TTC39A: variants seen among roughly 807,000 people sequenced by gnomAD.
TTC39A encodes the protein tetratricopeptide repeat domain 39A.
In TTC39A, 46 loss-of-function variants were observed where a neutral mutation model predicts 82.3. That is an observed-to-expected ratio of 0.56 (90% CI 0.44 to 0.71). The LOEUF (loss-of-function observed/expected upper bound fraction) is 0.71. Among genes scored for constraint, TTC39A ranks in the 30% least tolerant of loss-of-function variants. TTC39A has a pLI of 0.00. For synonymous variants in TTC39A, 254 were observed against 275.2 expected (o/e 0.92, Z 0.76); for missense variants, 543 against 712.9 (o/e 0.76, Z 2.71).
chr1:51,323,841 T>C (rs1295668129), intron 1 of TTC39A, among the ~76,000 whole-genome samples: 1 of 152,216 alleles, frequency 6.6e-6, no homozygotes, highest in Non-Finnish European at 1.5e-5. Flanking sequence ...TATCTCATAA[T>C]TCTAGCATTT....
intron 1 of TTC39A, among the ~76,000 whole-genome samples, chr1:51,342,019 C>T (rs1190337198): frequency 6.6e-6 from 1 of 152,346 alleles, no homozygotes; most frequent in East Asian, 1.9e-4. Context: ...AGGCCCCTCC[C>T]TCCCACAGCA....
At chr1:51,343,096 C>T (rs1646057187) in intron 1 of TTC39A, 1 of 455,926 alleles carries the variant, frequency 2.2e-6, no homozygotes, top group African/African-American at 2.0e-5. Context: ...GCAAGAAAGC[C>T]ATGTGGCCAA....
chr1:51,305,790 G>A (rs1240557390), intron 7 of TTC39A, among the ~76,000 whole-genome samples, 187 bp downstream of exon 7: 3 of 152,062 alleles, frequency 2.0e-5, no homozygotes, highest in South Asian at 2.1e-4. Flanking sequence ...TGGCTCCAGC[G>A]CCCACACCAC....
intron 1 of TTC39A, chr1:51,344,865 G>T: frequency 1.6e-6 from 2 of 1,217,654 alleles, no homozygotes; most frequent in Non-Finnish European, 2.2e-6. Flanking sequence ...CGACCCCCAC[G>T]CCCAGCAGCC....
intron 1 of TTC39A, among the ~76,000 whole-genome samples, chr1:51,324,567 G>C (rs569279224): frequency 6.6e-6 from 1 of 152,130 alleles, no homozygotes; most frequent in African/African-American, 2.4e-5. Context: ...TGTTGCCCGG[G>C]CTGGAGACCA....
chr1:51,337,206 T>G (rs1184414602), intron 1 of TTC39A, among the ~76,000 whole-genome samples: 1 of 152,034 alleles, frequency 6.6e-6, no homozygotes, highest in African/African-American at 2.4e-5. Flanking sequence ...TCCCATCATC[T>G]CCCGACATCA....
intron 15 of TTC39A, 96 bp from the exon 16 acceptor site, chr1:51,290,215 A>T: frequency 9.0e-7 from 1 of 1,107,074 alleles, no homozygotes; most frequent in Admixed American, 2.3e-5. Context: ...AAAGGGACAC[A>T]GGTAAATCAG....
intron 1 of TTC39A, among the ~76,000 whole-genome samples, chr1:51,327,717 G>A: frequency 1.4e-5 from 1 of 73,388 alleles, no homozygotes; most frequent in African/African-American, 5.8e-5. Flanking sequence ...TTTTTTTTTT[G>A]AGAGAGGCTC....
rs1487959989 is a variant in TTC39A at position 51,321,163 on chromosome 1, C to T, written c.146+558G>A. On this transcript the variant is annotated intron_variant, in intron 2 of 17. Transcript: ENST00000680483. The surrounding 1 kb of genome is among the most constrained non-coding windows in gnomAD (Gnocchi z 4.6). ...TGCTGGGATTACAAGCGTGAGCCAC[C>T]ACGCCCAGCCCAATAAATGTTTTAA... Among the ~76,000 whole-genome samples the T allele has an allele frequency of 6.6e-6, 1 of 152,226 alleles. No individual in the cohort carries two copies. Among genetic ancestry groups the T allele is most frequent in the African/African-American group, 2.4e-5 (1 of 41,464 alleles).
intron 2 of TTC39A, among the ~76,000 whole-genome samples, chr1:51,316,212 G>A (rs980038049): frequency 2.0e-5 from 3 of 152,200 alleles, no homozygotes; most frequent in African/African-American, 7.2e-5. Context: ...AAAGGCTGTT[G>A]CTGAATGAAC....
chr1:51,310,009 A>T (rs1050185459), intron 5 of TTC39A, among the ~76,000 whole-genome samples: 9 of 149,390 alleles, frequency 6.0e-5, no homozygotes, highest in African/African-American at 9.8e-5. Context: ...AAAGCTATTT[A>T]AAAAAAAAAT....
intron 12 of TTC39A, chr1:51,299,724 C>T: frequency 6.6e-6 from 1 of 152,396 alleles, no homozygotes; most frequent in Non-Finnish European, 1.5e-5. Context: ...CAGCTGTGTG[C>T]CCCCACCAGG....
At chr1:51,289,908 T>G (rs1644137512) in intron 16 of TTC39A, 97 bp downstream of exon 16, 1 of 991,434 alleles carries the variant, frequency 1.0e-6, no homozygotes, top group Admixed American at 2.7e-5. Flanking sequence ...GGGGGTTGGC[T>G]AGGGTCAGCC....
At chr1:51,302,149 G>T in intron 11 of TTC39A, 1 of 743,394 alleles carries the variant, frequency 1.3e-6, no homozygotes, top group Non-Finnish European at 2.4e-6. Context: ...AAAATCCCAG[G>T]CACCACAAAT....
At chr1:51,306,853 A>ACACCC (rs1644885320) in intron 6 of TTC39A, among the ~76,000 whole-genome samples, 1 of 60,184 alleles carries the variant, frequency 1.7e-5, no homozygotes, top group Non-Finnish European at 3.0e-5. Context: ...TAAGGGACAG[A>ACACCC]CCCCCCCCCC....
At chr1:51,312,712 A>G in intron 3 of TTC39A, 100 bp downstream of exon 3, 1 of 1,507,350 alleles carries the variant, frequency 6.6e-7, no homozygotes, top group Non-Finnish European at 9.0e-7. Context: ...CTTAGCCAAA[A>G]GCAGCAGTGC....
At chr1:51,337,755 T>C (rs114801016) in intron 1 of TTC39A, among the ~76,000 whole-genome samples, 4,838 of 152,214 alleles carry the variant, frequency 0.032, 128 homozygotes, top group Non-Finnish European at 0.051. Flanking sequence ...AACCCCTGCC[T>C]CCATCCTCCC....
chr1:51,334,826 G>A (rs1645954607), upstream of TTC39A: 1 of 152,220 alleles, frequency 6.6e-6, no homozygotes, highest in South Asian at 2.1e-4. Flanking sequence ...CCATCACAGC[G>A]AACAGTGATG....
Position 51,303,205 on chromosome 1 carries a change from G to T in TTC39A, c.655-13C>A, listed in dbSNP as rs758110571. On this transcript the variant is annotated splice_polypyrimidine_tract_variant and intron_variant, in intron 8 of 17. Coordinates refer to ENST00000680483, the MANE Select transcript of TTC39A (RefSeq NM_001297663.2). ...GCAGCCCATAGTCCTGAGGGGATGG[G>T]AGGGTGGGTGAGGCTCCCAGAGAGG... 4 of 1,280,224 alleles carry T rather than the reference G, an allele frequency of 3.1e-6. No individual in the cohort carries two copies. The highest frequency in any genetic ancestry group is 2.5e-5 in the South Asian group (2 of 78,674). 79.3% of individuals were successfully genotyped at this position (1,280,224 alleles called of 1,614,324 possible). A position where few individuals can be genotyped will look rare whatever the true frequency, so the allele number is the denominator to read the frequency against.
Sources: allele counts gnomAD v4.1 joint callset (sites outside exome capture counted in the v4.1 genomes callset), GRCh38; gene constraint gnomAD v4.1.1; non-coding constraint Gnocchi (gnomAD v3.1); transcripts MANE v1.5; gene names NCBI Gene and HGNC (gene_info 2026-07-23, HGNC 2026-07-21).